Variants in TNNT2 observed in about 807,000 individuals in gnomAD.
TNNT2 encodes troponin T2, cardiac type.
TNNT2 carries 34 observed loss-of-function variants against 62.4 expected under a neutral mutation model. The observed-to-expected ratio is 0.54, with a 90% confidence interval of 0.41 to 0.72. The LOEUF (loss-of-function observed/expected upper bound fraction) is 0.72. Among genes scored for constraint, TNNT2 ranks in the 30% least tolerant of loss-of-function variants. TNNT2 has a pLI of 0.00. For missense variants in TNNT2, 275 were observed against 381.9 expected, an observed-to-expected ratio of 0.72 and a Z score of 2.33; for synonymous variants, 123 against 127.2, an observed-to-expected ratio of 0.97 and a Z score of 0.22.
In TNNT2 at chr1:201,363,310, C is replaced by A. The variant is rs1295793287; in HGVS notation, c.586G>T (p.Gly196Cys). The A allele has an allele frequency of 6.2e-7, 1 of 1,614,146 alleles. No homozygotes were observed. Among genetic ancestry groups the A allele is most frequent in the South Asian group, 1.1e-5 (1 of 91,082 alleles). ...TCCCTACCTACCTTCTGGATGTAACCCCCAAAATGCATCATGTTGGACAAA... is the reference window on the plus strand; with the variant it reads ...TCCCTACCTACCTTCTGGATGTAACACCCAAAATGCATCATGTTGGACAAA... ...KALSNMMHFG[G>C]YIQKQAQTER... is the part of the protein sequence containing the mutation. The change falls in exon 12 of 17, where the codon GGT becomes TGT. Residue 196 changes from glycine (G) to cysteine (C), a missense_variant. Coordinates refer to ENST00000656932, the MANE Select transcript of TNNT2 (RefSeq NM_001276345.2).
intron 11 of TNNT2, 160 bp downstream of exon 11, chr1:201,364,138 C>T (rs2102251409): frequency 1.4e-6 from 1 of 729,076 alleles, no homozygotes. Flanking sequence ...CCCGCCTTGG[C>T]CTCCCAAAGT....
chr1:201,364,520 G>A (rs1659314899), intron 10 of TNNT2, 145 bp from the exon 11 acceptor site: 5 of 850,676 alleles, frequency 5.9e-6, no homozygotes, highest in South Asian at 1.4e-5. Context: ...GCCTCCAAGG[G>A]CCTCCACTTT....
chr1:201,368,254 A>G, intron 5 of TNNT2, 27 bp from the exon 6 acceptor site: 1 of 1,612,902 alleles, frequency 6.2e-7, no homozygotes, highest in Non-Finnish European at 8.5e-7. Flanking sequence ...GACAGAGTGA[A>G]GAAGCAGGCC....
At chr1:201,369,987 C>A (rs1571661790) in intron 4 of TNNT2, 142 bp from the exon 5 acceptor site, 44 of 859,470 alleles carry the variant, frequency 5.1e-5, no homozygotes, top group Admixed American at 1.2e-4. Context: ...TTCCAATTCC[C>A]AAGCCACTAC....
chr1:201,371,455 C>T lies in TNNT2; in HGVS notation c.67+572G>A, dbSNP rs571148701. ...CACTGAGCAATTTCATACTCACAAT[C>T]GCATTTGAGAAATTACTAAATGGAA... On this transcript the variant is annotated intron_variant, in intron 4 of 16. Transcript: ENST00000656932. Among the ~76,000 whole-genome samples the T allele has an allele frequency of 1.0e-3, 158 of 152,264 alleles. 1 individual carries two copies. Among genetic ancestry groups the T allele is most frequent in the African/African-American group, 3.5e-3 (147 of 41,536 alleles).
At chr1:201,371,335 C>T (rs1026838936) in intron 4 of TNNT2, among the ~76,000 whole-genome samples, 1 of 152,058 alleles carries the variant, frequency 6.6e-6, no homozygotes, top group East Asian at 1.9e-4. Context: ...CTGAGGAGGG[C>T]GATGGGTTAA....
At position 201,359,050 on chromosome 1, in the gene TNNT2, G is replaced by T. The variant is rs1658088536; in HGVS notation, c.*160C>A. On this transcript the variant is annotated 3_prime_UTR_variant, in exon 17 of 17. Coordinates refer to ENST00000656932, the MANE Select transcript of TNNT2 (RefSeq NM_001276345.2). Reference sequence around the variant, plus strand: ...TGGCTTTTTATTACTGGTGTGGAGTGGGTGTGGGGGCAGGCAGGAGTGGTG... The same window carrying T: ...TGGCTTTTTATTACTGGTGTGGAGTTGGTGTGGGGGCAGGCAGGAGTGGTG... 1 of 796,184 alleles carries T rather than the reference G, an allele frequency of 1.3e-6. No individual in the cohort carries two copies. Among genetic ancestry groups the T allele is most frequent in the Admixed American group, 2.0e-5 (1 of 49,502 alleles). The allele number at this position is 796,184 out of a possible 1,614,324, so 49.3% of individuals were successfully genotyped here.
chr1:201,375,878 G>T (rs1039732780), intron 1 of TNNT2, among the ~76,000 whole-genome samples: 8 of 152,244 alleles, frequency 5.3e-5, no homozygotes, highest in Non-Finnish European at 1.0e-4. Flanking sequence ...GGACAGAGCA[G>T]CTTGGACTCC....
intron 15 of TNNT2, 91 bp from the exon 16 acceptor site, chr1:201,359,754 T>A (rs1658258485): frequency 1.9e-6 from 2 of 1,069,140 alleles, no homozygotes; most frequent in Non-Finnish European, 2.8e-6. Flanking sequence ...GGGGGCTGAG[T>A]GCAGCAGTGC....
intron 13 of TNNT2, 28 bp from the exon 14 acceptor site, chr1:201,362,050 T>A: frequency 1.2e-6 from 2 of 1,610,948 alleles, no homozygotes; most frequent in Non-Finnish European, 1.7e-6. Context: ...CAGAGTAAAC[T>A]GGCCAGATTG....
chr1:201,376,355 G>T (rs1432661526), intron 1 of TNNT2, among the ~76,000 whole-genome samples: 1 of 152,146 alleles, frequency 6.6e-6, no homozygotes, highest in Non-Finnish European at 1.5e-5. Context: ...CAACTACAAA[G>T]CAGGAGAGCC....
intron 8 of TNNT2, 111 bp from the exon 9 acceptor site, chr1:201,365,781 C>G: frequency 6.4e-7 from 1 of 1,552,946 alleles, no homozygotes; most frequent in Non-Finnish European, 8.7e-7. Flanking sequence ...AGCACTGCCC[C>G]GACCAACCAC....
intron 4 of TNNT2, among the ~76,000 whole-genome samples, chr1:201,370,282 C>A (rs992610082): frequency 6.6e-6 from 1 of 152,212 alleles, no homozygotes; most frequent in South Asian, 2.1e-4. Context: ...CCTCAACGAG[C>A]CTGCCCATGT....
chr1:201,369,187 G>T, intron 5 of TNNT2: 1 of 434,292 alleles, frequency 2.3e-6, no homozygotes, highest in Non-Finnish European at 4.9e-6. Context: ...CAAGGATGGG[G>T]AGCTTACTGC....
chr1:201,375,105 A>T (rs975921560), intron 1 of TNNT2: 3 of 152,406 alleles, frequency 2.0e-5, no homozygotes, highest in African/African-American at 7.2e-5. Context: ...CATCCCCCCC[A>T]TAGTGGCTGA....
chr1:201,359,345 G>A (rs1658163134), intron 16 of TNNT2, 90 bp from the exon 17 acceptor site: 1 of 1,505,716 alleles, frequency 6.6e-7, no homozygotes, highest in East Asian at 2.3e-5. Flanking sequence ...TGCCAAAGGG[G>A]AGAGGAGCAG....
At chr1:201,361,175 G>A in intron 15 of TNNT2, 104 bp downstream of exon 15, 1 of 1,106,720 alleles carries the variant, frequency 9.0e-7, no homozygotes, top group South Asian at 1.2e-5. Context: ...GGCTGTTGGG[G>A]AATAGGGACA....
chr1:201,373,632 C>A (rs181931581), intron 1 of TNNT2: 29 of 342,492 alleles, frequency 8.5e-5, no homozygotes, highest in African/African-American at 5.1e-4. Context: ...TACAAATCTT[C>A]ACTGCACAAA....
rs150352900 is a variant in TNNT2 at position 201,368,625 on chromosome 1, T to C, written c.98-398A>G. On this transcript the variant is annotated intron_variant, in intron 5 of 16. Coordinates refer to ENST00000656932, the MANE Select transcript of TNNT2 (RefSeq NM_001276345.2). ...CAAAGAAACCAAAAGAGTACGACTG[T>C]GTGGCTGGATGGCACACTCAATATC... Among the ~76,000 whole-genome samples the C allele has an allele frequency of 2.9e-3, 449 of 152,286 alleles. 1 individual carries two copies. The highest frequency in any genetic ancestry group is 5.4e-3 in the Non-Finnish European group (370 of 68,022).
Sources: gnomAD v4.1 joint callset for allele counts (sites outside exome capture counted in the v4.1 genomes callset) on GRCh38, gnomAD v4.1.1 for gene constraint, MANE v1.5 for transcripts, NCBI Gene and HGNC (gene_info 2026-07-23, HGNC 2026-07-21) for gene names.